ARHGAP35: variants seen among roughly 807,000 people sequenced by gnomAD.
ARHGAP35 encodes rho GTPase-activating protein 35.
In ARHGAP35, 15 loss-of-function variants were observed where a neutral mutation model predicts 111.1. That is an observed-to-expected ratio of 0.13 (90% confidence interval 0.09 to 0.21). The LOEUF (loss-of-function observed/expected upper bound fraction) is 0.21. Among genes scored for constraint, ARHGAP35 ranks in the 10% least tolerant of loss-of-function variants. The pLI, the probability that ARHGAP35 is intolerant of heterozygous loss-of-function variation, is 1.00. For missense variants in ARHGAP35, 1,262 were observed against 1,873.0 expected, an observed-to-expected ratio of 0.67 and a Z score of 6.02; for synonymous variants, 643 against 710.3, an observed-to-expected ratio of 0.91 and a Z score of 1.51.
At chr19:46,903,110 A>G (rs955571555) in intron 1 of ARHGAP35, among the ~76,000 whole-genome samples, 11 of 152,190 alleles carry the variant, frequency 7.2e-5, no homozygotes, top group African/African-American at 2.4e-4. Context: ...TTCTGAGCAG[A>G]AAGCAGAAAT....
At chr19:46,987,623 A>G (rs1209268378) in intron 3 of ARHGAP35, among the ~76,000 whole-genome samples, 27 of 152,232 alleles carry the variant, frequency 1.8e-4, no homozygotes, top group Non-Finnish European at 1.5e-5. Flanking sequence ...TAAATTCACA[A>G]CATACTTTGT....
chr19:46,880,112 T>A (rs1315730003), intron 1 of ARHGAP35, among the ~76,000 whole-genome samples: 2 of 151,610 alleles, frequency 1.3e-5, no homozygotes. Flanking sequence ...AATAAATAAA[T>A]AAATAAATCA....
intron 1 of ARHGAP35, among the ~76,000 whole-genome samples, chr19:46,889,339 G>T (rs556110195): frequency 2.0e-5 from 3 of 151,876 alleles, no homozygotes; most frequent in Admixed American, 1.3e-4. Context: ...TGTGCCTGTA[G>T]TCCCAGCTAC....
intron 3 of ARHGAP35, among the ~76,000 whole-genome samples, chr19:46,971,307 G>A (rs1021446219): frequency 6.6e-6 from 1 of 151,870 alleles, no homozygotes; most frequent in Non-Finnish European, 1.5e-5. Flanking sequence ...TCGGGAGGTG[G>A]AGGCAGGAGA....
chr19:46,986,682 A>G lies in ARHGAP35; in HGVS notation c.3827-1307A>G, dbSNP rs868315911. ...GTTGATATAATTACTTAATATTCAT[A>G]GACTTTCTCAAGTTCAAAATAAGAA... is the stretch of plus-strand genomic sequence containing the variant. On this transcript the variant is annotated intron_variant, in intron 3 of 6. Transcript: ENST00000672722. The surrounding 1 kb of genome is among the most constrained non-coding windows in gnomAD (Gnocchi z 4.3). 3.3e-5 allele frequency among the ~76,000 whole-genome samples: 5 copies of G among 152,366 alleles called. No homozygotes were observed. The highest frequency in any genetic ancestry group is 1.3e-4 in the Admixed American group (2 of 15,304).
At chr19:46,888,266 ATATATATAT>A (rs2056003636) in intron 1 of ARHGAP35, among the ~76,000 whole-genome samples, 1 of 2,238 alleles carries the variant, frequency 4.5e-4, no homozygotes, top group South Asian at 0.014. Flanking sequence ...TCAATAATAT[ATATATATAT>A]ATATATATAT....
intron 3 of ARHGAP35, among the ~76,000 whole-genome samples, chr19:46,944,501 G>A (rs1406949006): frequency 1.3e-5 from 2 of 152,118 alleles, no homozygotes; most frequent in Admixed American, 6.5e-5. Flanking sequence ...CTGTTCCGCA[G>A]CTCATTGTCT....
At chr19:46,937,157 C>T (rs2056314316) in intron 2 of ARHGAP35, 107 bp from the exon 3 acceptor site, 1 of 1,331,118 alleles carries the variant, frequency 7.5e-7, no homozygotes, top group South Asian at 1.4e-5. Flanking sequence ...GACATTCTTT[C>T]TAGCAGTTTT....
Position 46,959,806 on chromosome 19 carries a change from G to A in ARHGAP35, c.3826+22398G>A, listed in dbSNP as rs540881080. Among the ~76,000 whole-genome samples, 40 of 150,306 alleles carry A rather than the reference G, an allele frequency of 2.7e-4. No individual in the cohort carries two copies. The South Asian group carries it at 7.3e-3, about 28-fold the overall frequency. ...CTTTTGTGCCATTTAAAGGTAACTC[G>A]AAGCCAGGTGCGAGTGTGGTGGCTC... On this transcript the variant is annotated intron_variant, in intron 3 of 6. Transcript: ENST00000672722.
intron 1 of ARHGAP35, among the ~76,000 whole-genome samples, chr19:46,870,904 T>G (rs1599790752): frequency 2.0e-5 from 3 of 152,240 alleles, no homozygotes; most frequent in Non-Finnish European, 4.4e-5. Context: ...AGTGTCCATT[T>G]CTGAATTTTT....
At chr19:46,883,803 C>T (rs2122139820) in intron 1 of ARHGAP35, among the ~76,000 whole-genome samples, 1 of 152,240 alleles carries the variant, frequency 6.6e-6, no homozygotes, top group Middle Eastern at 3.4e-3. Context: ...TCCTGTAATC[C>T]TAACACTTTG....
chr19:46,981,741 A>G (rs1599863520), intron 3 of ARHGAP35, among the ~76,000 whole-genome samples: 1 of 152,208 alleles, frequency 6.6e-6, no homozygotes, highest in Non-Finnish European at 1.5e-5. Context: ...GGGCTGAAAT[A>G]CCAGTTCCTA....
intron 3 of ARHGAP35, among the ~76,000 whole-genome samples, chr19:46,985,590 G>A (rs1009708144): frequency 3.9e-5 from 6 of 152,224 alleles, no homozygotes; most frequent in Admixed American, 2.0e-4. Flanking sequence ...TTCCCATGAG[G>A]TGTGGGAGAT....
rs573156304 is a variant in ARHGAP35, at chr19:46,970,991, C to A, written c.3827-16998C>A. Among the ~76,000 whole-genome samples the A allele has an allele frequency of 2.6e-5, 4 of 152,298 alleles. No individual in the cohort carries two copies. In the South Asian group the frequency reaches 8.3e-4, roughly 32 times the overall value. On this transcript the variant is annotated intron_variant, in intron 3 of 6. Coordinates refer to ENST00000672722, the MANE Select transcript of ARHGAP35 (RefSeq NM_004491.5). ...TTGGATCCTCTCCAAAACAGACAGT[C>A]ATTGTCACGTATACTCACACGACAC...
chr19:46,884,493 C>CTTTTTTTTTT (rs923415995), intron 1 of ARHGAP35, among the ~76,000 whole-genome samples: 1 of 111,978 alleles, frequency 8.9e-6, no homozygotes, highest in Non-Finnish European at 1.8e-5. Context: ...TGATGATATC[C>CTTTTTTTTTT]TTTTTTTTTT....
intron 5 of ARHGAP35, among the ~76,000 whole-genome samples, chr19:46,991,782 G>T (rs986405097): frequency 6.6e-6 from 1 of 152,192 alleles, no homozygotes; most frequent in Non-Finnish European, 1.5e-5. Flanking sequence ...TAGTGTTAAG[G>T]GATATTATGG....
At chr19:46,947,606 T>C (rs1379214008) in intron 3 of ARHGAP35, 1 of 152,108 alleles carries the variant, frequency 6.6e-6, no homozygotes, top group African/African-American at 2.4e-5. Flanking sequence ...ACCAAATGTG[T>C]GGGGTGCTTT....
chr19:46,862,035 A>G (rs2055831826), intron 1 of ARHGAP35, among the ~76,000 whole-genome samples: 1 of 151,950 alleles, frequency 6.6e-6, no homozygotes, highest in Non-Finnish European at 1.5e-5. Context: ...ACTTGGCTGC[A>G]CCGTGCTTGC....
chr19:46,980,741 C>T (rs919593041), intron 3 of ARHGAP35, among the ~76,000 whole-genome samples: 2 of 152,162 alleles, frequency 1.3e-5, no homozygotes, highest in Non-Finnish European at 2.9e-5. Flanking sequence ...ATTGTACGGT[C>T]AGATTAGCTG....
Sources: allele counts gnomAD v4.1 joint callset (sites outside exome capture counted in the v4.1 genomes callset), GRCh38; gene constraint gnomAD v4.1.1; non-coding constraint Gnocchi (gnomAD v3.1); transcripts MANE v1.5; gene names NCBI Gene and HGNC (gene_info 2026-07-23, HGNC 2026-07-21).